ZNF385D: variants seen among roughly 807,000 people sequenced by gnomAD.
ZNF385D encodes zinc finger protein 659.
A neutral mutation model predicts 35.8 loss-of-function variants in ZNF385D; 15 were observed. The observed-to-expected ratio is 0.42, with a 90% CI of 0.28 to 0.64. ZNF385D has a LOEUF of 0.64. Among genes scored for constraint, ZNF385D ranks in the 30% least tolerant of loss-of-function variants. ZNF385D has a pLI of 0.23. For synonymous variants in ZNF385D, 212 were observed against 186.8 expected (o/e 1.13, Z -1.10); for missense variants, 474 against 494.6 (o/e 0.96, Z 0.39).
chr3:22,245,118 A>T (rs1265824430), intron 2 of ZNF385D, among the ~76,000 whole-genome samples: 1 of 152,194 alleles, frequency 6.6e-6, no homozygotes, highest in Non-Finnish European at 1.5e-5. Context: ...GCCTTCAAGG[A>T]AACTGAGGTT....
intron 2 of ZNF385D, among the ~76,000 whole-genome samples, chr3:22,260,510 T>C (rs1440907057): frequency 2.7e-5 from 4 of 150,678 alleles, no homozygotes; most frequent in Admixed American, 6.6e-5. Context: ...AACTTAAAAT[T>C]AAAAAAAAAG....
intron 2 of ZNF385D, among the ~76,000 whole-genome samples, chr3:22,265,829 T>C (rs769843862): frequency 1.4e-4 from 21 of 151,974 alleles, no homozygotes; most frequent in Non-Finnish European, 1.6e-4. Context: ...GTGTGGTAGG[T>C]ACCATTTTTG....
At chr3:21,464,406 AAT>A (rs1401548687) in intron 4 of ZNF385D, among the ~76,000 whole-genome samples, 8 of 152,172 alleles carry the variant, frequency 5.3e-5, no homozygotes, top group African/African-American at 1.9e-4. Context: ...AAAAATTAAA[AAT>A]ATATTTCTCT....
chr3:22,111,141 C>T (rs1448047077), intron 3 of ZNF385D, among the ~76,000 whole-genome samples: 2 of 136,384 alleles, frequency 1.5e-5, no homozygotes, highest in East Asian at 4.3e-4. Flanking sequence ...CATATTGAGG[C>T]TCCATGTTGG....
intron 3 of ZNF385D, among the ~76,000 whole-genome samples, chr3:21,890,674 CACAG>C (rs947717199): frequency 3.3e-5 from 5 of 152,028 alleles, no homozygotes; most frequent in Middle Eastern, 3.4e-3. Context: ...GTTACGGTGA[CACAG>C]ACAGGTATGA....
chr3:21,616,632 G>T (rs2064854865), intron 2 of ZNF385D, among the ~76,000 whole-genome samples: 1 of 152,094 alleles, frequency 6.6e-6, no homozygotes, highest in Non-Finnish European at 1.5e-5. Flanking sequence ...TTAAAAAAAA[G>T]ATTCATGTTC....
At chr3:21,773,573 GA>G (rs1022547674) in intron 3 of ZNF385D, among the ~76,000 whole-genome samples, 2 of 150,816 alleles carry the variant, frequency 1.3e-5, no homozygotes, top group African/African-American at 2.4e-5. Context: ...GAATTTACAA[GA>G]AAAAAAACAA....
At chr3:21,914,172 G>T (rs1285565807) in intron 3 of ZNF385D, among the ~76,000 whole-genome samples, 1 of 152,082 alleles carries the variant, frequency 6.6e-6, no homozygotes, top group Admixed American at 6.6e-5. Flanking sequence ...CAGAATTTTA[G>T]TAGACAGGGA....
chr3:21,529,609 TC>T (rs2061873959), intron 3 of ZNF385D, among the ~76,000 whole-genome samples: 1 of 152,154 alleles, frequency 6.6e-6, no homozygotes, highest in East Asian at 1.9e-4. Flanking sequence ...TGGCAAACAT[TC>T]AAGATGAGAA....
intron 2 of ZNF385D, among the ~76,000 whole-genome samples, chr3:21,598,843 C>G (rs1195571688): frequency 8.5e-5 from 13 of 152,136 alleles, no homozygotes; most frequent in Admixed American, 8.5e-4. Context: ...CTTATTTACT[C>G]AATTTTTAAA....
chr3:21,911,084 A>G (rs1159422750), intron 3 of ZNF385D, among the ~76,000 whole-genome samples: 3 of 152,032 alleles, frequency 2.0e-5, no homozygotes, highest in East Asian at 3.9e-4. Flanking sequence ...TGTGTTTTTA[A>G]AATGATATAG....
At chr3:21,548,179 A>C (rs189336932) in intron 3 of ZNF385D, among the ~76,000 whole-genome samples, 1 of 152,184 alleles carries the variant, frequency 6.6e-6, no homozygotes, top group African/African-American at 2.4e-5. Flanking sequence ...TGGGAGCCTA[A>C]ATTTTCGTGG....
intron 3 of ZNF385D, among the ~76,000 whole-genome samples, chr3:22,165,860 C>T (rs1021373092): frequency 6.6e-6 from 1 of 152,322 alleles, no homozygotes; most frequent in African/African-American, 2.4e-5. Flanking sequence ...AGGATTACTA[C>T]AGAATTTTCT....
At chr3:22,069,733 A>G (rs557242176) in intron 3 of ZNF385D, among the ~76,000 whole-genome samples, 15 of 152,278 alleles carry the variant, frequency 9.9e-5, no homozygotes, top group African/African-American at 3.4e-4. Context: ...TGTGAAGGTA[A>G]TAAGTGCACA....
At chr3:21,583,113 T>C (rs190998609) in intron 2 of ZNF385D, among the ~76,000 whole-genome samples, 26 of 152,252 alleles carry the variant, frequency 1.7e-4, no homozygotes, top group African/African-American at 5.3e-4. Context: ...ATACAATTTT[T>C]CGAAAAACAC....
chr3:22,306,078 C>T (rs1338321987), intron 2 of ZNF385D, among the ~76,000 whole-genome samples: 2 of 152,070 alleles, frequency 1.3e-5, no homozygotes, highest in Admixed American at 1.3e-4. Flanking sequence ...TGTGGAAGGG[C>T]AAGAAAACTA....
chr3:21,931,637 T>TA (rs1388435563), intron 3 of ZNF385D, among the ~76,000 whole-genome samples: 1 of 152,062 alleles, frequency 6.6e-6, no homozygotes, highest in Non-Finnish European at 1.5e-5. Flanking sequence ...ACTATGCTAT[T>TA]GAGAGATGCT....
At chr3:21,448,474 C>G (rs1449221630) in intron 4 of ZNF385D, among the ~76,000 whole-genome samples, 2 of 152,058 alleles carry the variant, frequency 1.3e-5, no homozygotes, top group Non-Finnish European at 2.9e-5. Flanking sequence ...TAGAATTTCT[C>G]TCTTCAAAGT....
chr3:21,964,967 T>G (rs761603132), intron 3 of ZNF385D, among the ~76,000 whole-genome samples: 1 of 152,192 alleles, frequency 6.6e-6, no homozygotes, highest in African/African-American at 2.4e-5. Context: ...AAAAATACGT[T>G]AGCACTTAGG....
Sources: allele counts gnomAD v4.1 joint callset (sites outside exome capture counted in the v4.1 genomes callset), GRCh38; gene constraint gnomAD v4.1.1; transcripts MANE v1.5; gene names NCBI Gene and HGNC (gene_info 2026-07-23, HGNC 2026-07-21).